The following ACLY variants were observed in gnomAD, a reference collection of about 807,000 sequenced individuals.
ACLY encodes ATP citrate lyase.
ACLY carries 41 observed loss-of-function variants against 133.0 expected under a neutral mutation model. The ratio of observed to expected loss-of-function variants is 0.31; its 90% CI spans 0.24 to 0.40. ACLY has a LOEUF of 0.40. ACLY is among the 10% of genes least tolerant of loss of function. The pLI is 1.00. For synonymous variants in ACLY, 495 were observed against 549.3 expected (o/e 0.90, Z 1.38); for missense variants, 1,046 against 1,453.8 (o/e 0.72, Z 4.56).
Position 41,869,525 on chromosome 17 carries a change from G to A in ACLY, c.3000C>T (p.Ala1000=), listed in dbSNP as rs566312834. Reference sequence around the variant, plus strand: ...CCAGTGCATAATCGAGCAGAGGAGTGGCAGGGAAGTGCTGCCTGACGTAAT... The same window carrying A: ...CCAGTGCATAATCGAGCAGAGGAGTAGCAGGGAAGTGCTGCCTGACGTAAT... ...LKDYVRQHFP[A]TPLLDYALEV... Residue 1000 remains alanine (A), a synonymous_variant, in exon 26 of 29, where the codon GCC becomes GCT. Coordinates refer to ENST00000352035, the MANE Select transcript of ACLY (RefSeq NM_001096.3). 1.8e-5 allele frequency: 29 copies of A among 1,614,128 alleles called. No homozygotes were observed. In the South Asian group the frequency reaches 2.9e-4, roughly 16 times the overall value.
chr17:41,887,513 G>A (rs1292085990), intron 17 of ACLY, 86 bp downstream of exon 17: 1 of 1,056,834 alleles, frequency 9.5e-7, no homozygotes, highest in Admixed American at 1.8e-5. Context: ...GAGGGAGATA[G>A]AGGAGTCAAA....
chr17:41,893,754 G>C (rs1246626157), intron 14 of ACLY, among the ~76,000 whole-genome samples: 1 of 152,194 alleles, frequency 6.6e-6, no homozygotes, highest in East Asian at 1.9e-4. Flanking sequence ...ATCGCTAACT[G>C]TGGTTCTGGC....
intron 18 of ACLY, among the ~76,000 whole-genome samples, chr17:41,884,713 C>T (rs1200865060): frequency 6.6e-6 from 1 of 152,124 alleles, no homozygotes; most frequent in Non-Finnish European, 1.5e-5. Flanking sequence ...GGCGAAACCC[C>T]GTCTCTACTA....
intron 11 of ACLY, among the ~76,000 whole-genome samples, chr17:41,899,036 A>G (rs2049451122): frequency 6.6e-6 from 1 of 152,150 alleles, no homozygotes; most frequent in Admixed American, 6.5e-5. Flanking sequence ...GCAATTTGGG[A>G]GGCCGAGGCG....
intron 16 of ACLY, among the ~76,000 whole-genome samples, chr17:41,891,578 G>A (rs568825383): frequency 6.6e-6 from 1 of 151,444 alleles, no homozygotes; most frequent in South Asian, 2.1e-4. Flanking sequence ...TTTTTATAGG[G>A]ACAGGGTCTT....
intron 10 of ACLY, among the ~76,000 whole-genome samples, chr17:41,902,047 C>T (rs192448985): frequency 2.9e-4 from 44 of 152,270 alleles, no homozygotes; most frequent in African/African-American, 1.0e-3. Flanking sequence ...AGGCCTCCAT[C>T]ATCAGCAAGG....
chr17:41,918,785 C>T (rs2050124956), intron 1 of ACLY, 95 bp downstream of exon 1: 5 of 1,254,158 alleles, frequency 4.0e-6, no homozygotes, highest in Non-Finnish European at 5.1e-6. Context: ...GCACCGAGCC[C>T]GCGTCGGGGA....
chr17:41,890,059 G>A (rs539863141), intron 16 of ACLY, among the ~76,000 whole-genome samples: 8 of 152,254 alleles, frequency 5.3e-5, no homozygotes, highest in South Asian at 2.1e-4. Context: ...ATGTTAATCC[G>A]AGATTGCCCA....
chr17:41,872,380 C>T (rs1265872426), intron 23 of ACLY, among the ~76,000 whole-genome samples, 198 bp from the exon 24 acceptor site: 2 of 152,172 alleles, frequency 1.3e-5, no homozygotes, highest in Non-Finnish European at 1.5e-5. Context: ...GGCTGGAATG[C>T]AGTAGTGTGA....
At chr17:41,910,991 G>A (rs1311244183) in intron 3 of ACLY, among the ~76,000 whole-genome samples, 1 of 152,158 alleles carries the variant, frequency 6.6e-6, no homozygotes, top group African/African-American at 2.4e-5. Context: ...CCTCCCAGAG[G>A]CCAGCAGAAG....
chr17:41,930,181 G>A (rs958336989), intron 1 of ACLY, among the ~76,000 whole-genome samples: 3 of 152,200 alleles, frequency 2.0e-5, no homozygotes, highest in Admixed American at 6.5e-5. Context: ...ATCCCTGAGT[G>A]TTCCATTATT....
intron 1 of ACLY, among the ~76,000 whole-genome samples, chr17:41,915,149 A>T (rs79961575): frequency 0.037 from 5,562 of 152,244 alleles, 361 homozygotes; most frequent in African/African-American, 0.13. Context: ...AGAGTCTATG[A>T]TAAGAATTTC....
At chr17:41,879,767 G>C (rs2048867359) in intron 20 of ACLY, among the ~76,000 whole-genome samples, 2 of 147,030 alleles carry the variant, frequency 1.4e-5, no homozygotes, top group African/African-American at 2.5e-5. Flanking sequence ...TCCCCAGGCT[G>C]GAATGCAGTG....
chr17:41,899,046 G>A (rs1360145732), intron 11 of ACLY, among the ~76,000 whole-genome samples: 14 of 151,980 alleles, frequency 9.2e-5, no homozygotes, highest in Non-Finnish European at 1.8e-4. Context: ...AGGCCGAGGC[G>A]GGCAGATCAC....
Position 41,901,735 on chromosome 17 carries a change from G to T in ACLY, c.1144C>A (p.Pro382Thr), listed in dbSNP as rs781890290. Reference sequence around the variant, plus strand: ...ACCCGTAAGCCCTCCTGATAGTTGGGGCCACCTCTTCGGACAAAGATTGTG... The same window carrying T: ...ACCCGTAAGCCCTCCTGATAGTTGGTGCCACCTCTTCGGACAAAGATTGTG... ...EVTIFVRRGG[P>T]NYQEGLRVMG... The change falls in exon 11 of 29, where the codon CCC (proline) becomes ACC (threonine). Residue 382 changes from proline (P) to threonine (T), a missense_variant. By Grantham distance (38) the Pro-to-Thr change is conservative. This residue lies in a region of ACLY where 575 missense variants were observed against 804.2 expected (regional missense o/e 0.71). Transcript: ENST00000352035. 3.1e-6 allele frequency: 5 copies of T among 1,610,166 alleles called. No homozygotes were observed. In the East Asian group the frequency reaches 1.1e-4, roughly 36 times the overall value.
chr17:41,914,838 C>T (rs2050009522), intron 1 of ACLY, among the ~76,000 whole-genome samples: 3 of 152,138 alleles, frequency 2.0e-5, no homozygotes, highest in Middle Eastern at 3.4e-3. Flanking sequence ...ATGATTGCAC[C>T]GCTGCACTGT....
intron 13 of ACLY, among the ~76,000 whole-genome samples, chr17:41,897,149 G>T (rs1367799698): frequency 6.6e-6 from 1 of 152,332 alleles, no homozygotes; most frequent in Admixed American, 6.5e-5. Context: ...GGAAGAGGCT[G>T]CACAGGTATA....
upstream of ACLY, chr17:41,919,161 T>G: frequency 1.1e-6 from 1 of 930,150 alleles, no homozygotes; most frequent in Non-Finnish European, 1.4e-6. Flanking sequence ...CGCTGGCCCA[T>G]CCACCGCCTC....
At chr17:41,910,968 T>G (rs544798288) in intron 3 of ACLY, among the ~76,000 whole-genome samples, 12 of 152,154 alleles carry the variant, frequency 7.9e-5, no homozygotes, top group Non-Finnish European at 1.5e-4. Flanking sequence ...AGATGTCTGA[T>G]GTCCCACCTT....
Sources: allele counts gnomAD v4.1 joint callset (sites outside exome capture counted in the v4.1 genomes callset), GRCh38; gene constraint gnomAD v4.1.1; regional missense constraint gnomAD v4.1.1; transcripts MANE v1.5; gene names NCBI Gene and HGNC (gene_info 2026-07-23, HGNC 2026-07-21).